DACH2: variants seen among roughly 807,000 people sequenced by gnomAD.
The protein encoded by DACH2 is dachshund family transcription factor 2.
In DACH2, 17 loss-of-function variants were observed where a neutral mutation model predicts 35.8. The ratio of observed to expected loss-of-function variants is 0.48; its 90% CI spans 0.33 to 0.71. The LOEUF (loss-of-function observed/expected upper bound fraction) is 0.71. Among genes scored for constraint, DACH2 ranks in the 30% least tolerant of loss-of-function variants. The probability of loss-of-function intolerance (pLI) is 0.02; values close to 1 mark genes in which losing one functional copy is unlikely to be tolerated. For synonymous variants in DACH2, 195 were observed against 177.3 expected (o/e 1.10, Z -0.79); for missense variants, 469 against 472.7 (o/e 0.99, Z 0.07).
chrX:86,746,051 A>G (rs778188948), intron 7 of DACH2, among the ~76,000 whole-genome samples: 65 of 111,511 alleles, frequency 5.8e-4, no homozygotes, highest in African/African-American at 1.9e-3. Context: ...AAGTCTGTTC[A>G]TGTCCTTCGT....
chrX:86,275,543 G>A (rs2033901698), intron 1 of DACH2, among the ~76,000 whole-genome samples: 1 of 111,627 alleles, frequency 9.0e-6, no homozygotes, highest in African/African-American at 3.3e-5. Flanking sequence ...TAATATTTCA[G>A]TTACAAACAA....
intron 3 of DACH2, among the ~76,000 whole-genome samples, chrX:86,639,768 T>C (rs1385632716): frequency 9.0e-6 from 1 of 111,503 alleles, no homozygotes; most frequent in East Asian, 2.9e-4. Context: ...GTTCCAGCCA[T>C]CAGGCTTTGA....
At chrX:86,827,448 C>T (rs760910129) in intron 11 of DACH2, among the ~76,000 whole-genome samples, 8 of 111,400 alleles carry the variant, frequency 7.2e-5, no homozygotes, top group African/African-American at 9.8e-5. Flanking sequence ...ATATCATTTA[C>T]GCCATATTTA....
rs774118397 is a variant in DACH2, at chrX:86,196,585, T to C, written c.488+47477T>C. ...GTGGGTGCCTGTAGTCCCAGCTACTTGGGAGGCTGACGCAGGAGAATGGCG... is the reference window on the plus strand; with the variant it reads ...GTGGGTGCCTGTAGTCCCAGCTACTCGGGAGGCTGACGCAGGAGAATGGCG... On this transcript the variant is annotated intron_variant, in intron 1 of 11. Coordinates refer to ENST00000373125, the MANE Select transcript of DACH2 (RefSeq NM_053281.3). Among the ~76,000 whole-genome samples the C allele has an allele frequency of 3.4e-3, 342 of 101,558 alleles. 2 individuals carry two copies. Among genetic ancestry groups the C allele is most frequent in the African/African-American group, 0.011 (299 of 26,977 alleles). 88.2% of individuals were successfully genotyped at this position (101,558 alleles called of 115,157 possible). A position where few individuals can be genotyped will look rare whatever the true frequency, so the allele number is the denominator to read the frequency against.
chrX:86,768,369 G>A (rs1697570891), intron 7 of DACH2, among the ~76,000 whole-genome samples: 1 of 111,602 alleles, frequency 9.0e-6, no homozygotes, highest in Non-Finnish European at 1.9e-5. Context: ...CCCTTTGTGT[G>A]GATAATTAAG....
intron 1 of DACH2, among the ~76,000 whole-genome samples, chrX:86,360,141 C>A: frequency 9.0e-6 from 1 of 110,767 alleles, no homozygotes; most frequent in Middle Eastern, 4.7e-3. Context: ...AGATTGTTTC[C>A]CTCTAATTAA....
intron 2 of DACH2, among the ~76,000 whole-genome samples, chrX:86,389,110 A>G (rs1298458973): frequency 2.7e-5 from 3 of 111,811 alleles, no homozygotes; most frequent in African/African-American, 9.7e-5. Context: ...AAGCTAGACT[A>G]CTCATTCGTA....
intron 11 of DACH2, 32 bp downstream of exon 11, chrX:86,816,131 T>G (rs1260607162): frequency 9.6e-6 from 10 of 1,039,959 alleles, no homozygotes; most frequent in Non-Finnish European, 1.3e-5. Flanking sequence ...TTTCTTTGAC[T>G]GCTTAATATG....
chrX:86,221,804 T>C (rs2032718545), intron 1 of DACH2, among the ~76,000 whole-genome samples: 1 of 112,232 alleles, frequency 8.9e-6, no homozygotes, highest in South Asian at 3.7e-4. Flanking sequence ...ACAAATAGAA[T>C]TTAATTTTCT....
chrX:86,188,635 G>A (rs1050274005), intron 1 of DACH2, among the ~76,000 whole-genome samples: 1 of 111,919 alleles, frequency 8.9e-6, no homozygotes. Context: ...GGCCTTTTAA[G>A]ACCAAACTAG....
In DACH2 at chrX:86,781,627, C is replaced by A. The variant is rs1024019749; in HGVS notation, c.1241-31229C>A. 2.7e-5 allele frequency among the ~76,000 whole-genome samples: 3 copies of A among 111,364 alleles called. No individual in the cohort carries two copies. In the Admixed American group the frequency reaches 2.9e-4, roughly 11 times the overall value. On this transcript the variant is annotated intron_variant, in intron 7 of 11. Transcript: ENST00000373125. ...TTCTTAATATTCTGTTCCTCTAGAACCACTCCTGGTACCAAAATCTGTACT... is the reference window on the plus strand; with the variant it reads ...TTCTTAATATTCTGTTCCTCTAGAAACACTCCTGGTACCAAAATCTGTACT...
At chrX:86,724,775 G>C (rs1197969169) in intron 6 of DACH2, among the ~76,000 whole-genome samples, 1 of 111,092 alleles carries the variant, frequency 9.0e-6, no homozygotes, top group South Asian at 3.7e-4. Flanking sequence ...CCCTCATATA[G>C]GTTTTCTCGA....
intron 1 of DACH2, among the ~76,000 whole-genome samples, chrX:86,368,292 C>A (rs1418848696): frequency 1.8e-5 from 2 of 111,708 alleles, no homozygotes; most frequent in South Asian, 3.7e-4. Flanking sequence ...GTCATAATTT[C>A]TCTCTTTTTA....
intron 3 of DACH2, among the ~76,000 whole-genome samples, chrX:86,585,624 A>C (rs1479545430): frequency 9.0e-6 from 1 of 110,587 alleles, no homozygotes; most frequent in Non-Finnish European, 1.9e-5. Flanking sequence ...ATGTATGCTC[A>C]TTGGTTAGCT....
intron 5 of DACH2, among the ~76,000 whole-genome samples, chrX:86,707,377 G>A (rs911438610): frequency 9.0e-6 from 1 of 111,167 alleles, no homozygotes; most frequent in Admixed American, 9.6e-5. Flanking sequence ...TGTTCAAATG[G>A]GTTCACAGGT....
At chrX:86,156,424 A>G (rs2030547821) in intron 1 of DACH2, among the ~76,000 whole-genome samples, 1 of 111,765 alleles carries the variant, frequency 8.9e-6, no homozygotes, top group Non-Finnish European at 1.9e-5. Context: ...AACAAAAGGT[A>G]AGAAATAGTT....
In DACH2 at chrX:86,472,023, A is replaced by C. The variant is rs192866301; in HGVS notation, c.528-42256A>C. ...CTATTAGATTTTTATTTGTCAATTA[A>C]AAATGATTAATTGGTTAATTTAAAA... is the stretch of plus-strand genomic sequence containing the variant. On this transcript the variant is annotated intron_variant, in intron 2 of 11. Transcript: ENST00000373125. Among the ~76,000 whole-genome samples the C allele has an allele frequency of 2.6e-4, 29 of 112,456 alleles. No homozygotes were observed. In the East Asian group the frequency reaches 3.1e-3, roughly 12 times the overall value.
intron 2 of DACH2, among the ~76,000 whole-genome samples, chrX:86,403,693 T>C (rs2036474710): frequency 8.9e-6 from 1 of 111,899 alleles, no homozygotes; most frequent in Admixed American, 9.5e-5. Flanking sequence ...TTACTGTGTA[T>C]ATACTCAAAA....
chrX:86,306,429 T>C (rs1253022697), intron 1 of DACH2, among the ~76,000 whole-genome samples: 3 of 111,833 alleles, frequency 2.7e-5, no homozygotes, highest in African/African-American at 9.8e-5. Flanking sequence ...GAGTGTCAAC[T>C]TGATTGGATT....
Sources: gnomAD v4.1 joint callset for allele counts (sites outside exome capture counted in the v4.1 genomes callset) on GRCh38, gnomAD v4.1.1 for gene constraint, MANE v1.5 for transcripts, NCBI Gene and HGNC (gene_info 2026-07-23, HGNC 2026-07-21) for gene names.